The following VPS13A variants were observed in gnomAD, a reference collection of about 807,000 sequenced individuals.
VPS13A encodes the protein vacuolar protein sorting 13 homolog A, also known as intermembrane lipid transfer protein VPS13A.
Under a neutral mutation model 390.9 loss-of-function variants are expected in VPS13A, and 264 were observed. The ratio of observed to expected loss-of-function variants is 0.68; its 90% CI spans 0.61 to 0.75. The LOEUF (loss-of-function observed/expected upper bound fraction) is 0.75, where lower values mean the gene tolerates loss of function less well. Among genes scored for constraint, VPS13A ranks in the 30% least tolerant of loss-of-function variants. VPS13A has a pLI of 0.00. For missense variants in VPS13A, 3,409 were observed against 3,733.9 expected (o/e 0.91, Z 2.27); for synonymous variants, 1,231 against 1,227.1 (o/e 1.00, Z -0.07).
chr9:77,381,892 A>C, intron 67 of VPS13A, 84 bp from the exon 68 acceptor site: 1 of 852,608 alleles, frequency 1.2e-6, no homozygotes, highest in Non-Finnish European at 1.9e-6. Flanking sequence ...CTGAAATAAG[A>C]TTGTTTTTAG....
intron 34 of VPS13A, among the ~76,000 whole-genome samples, chr9:77,304,933 A>G (rs1340312072): frequency 1.3e-5 from 2 of 148,542 alleles, no homozygotes; most frequent in South Asian, 2.1e-4. Flanking sequence ...GAGATTTCAG[A>G]CTTTTTTTCT....
chr9:77,288,401 T>C (rs1196674929), intron 31 of VPS13A, among the ~76,000 whole-genome samples: 2 of 152,216 alleles, frequency 1.3e-5, no homozygotes, highest in Non-Finnish European at 1.5e-5. Flanking sequence ...TTGTAAGCAT[T>C]TGCTGCTATA....
intron 9 of VPS13A, among the ~76,000 whole-genome samples, chr9:77,213,975 G>C (rs1826113894): frequency 6.6e-6 from 1 of 151,926 alleles, no homozygotes; most frequent in Non-Finnish European, 1.5e-5. Flanking sequence ...TTAGGATAAA[G>C]ACATATTGGC....
intron 34 of VPS13A, among the ~76,000 whole-genome samples, chr9:77,305,208 G>A (rs1006686504): frequency 6.6e-6 from 1 of 152,088 alleles, no homozygotes; most frequent in Non-Finnish European, 1.5e-5. Context: ...AAAGTGCTGG[G>A]ATTACAGGCG....
At chr9:77,407,752 AT>A in intron 71 of VPS13A, 145 bp downstream of exon 71, 1 of 677,650 alleles carries the variant, frequency 1.5e-6, no homozygotes, top group Middle Eastern at 4.1e-4. Context: ...TTAAAAGTAT[AT>A]GTAACCAGAT....
rs1563966834 is a variant in VPS13A, at chr9:77,370,216, TA to T, written c.8668-40del. 2.5e-6 allele frequency: 4 copies of T among 1,605,040 alleles called. No individual in the cohort carries two copies. In the South Asian group the frequency reaches 4.4e-5, roughly 18 times the overall value. Reference sequence around the variant, plus strand: ...CCGTAAGCTCATCTTTAAAAGTGAATATAACTCACTCACTCATTTATTTACT... The same window carrying T: ...CCGTAAGCTCATCTTTAAAAGTGAATTAACTCACTCACTCATTTATTTACT... On this transcript the variant is annotated intron_variant, in intron 63 of 71. Transcript: ENST00000360280.
chr9:77,383,151 AC>A, intron 68 of VPS13A: 1 of 648,792 alleles, frequency 1.5e-6, no homozygotes, highest in Non-Finnish European at 1.9e-6. Flanking sequence ...TCAGTATTTT[AC>A]CTATTGCAGG....
intron 59 of VPS13A, among the ~76,000 whole-genome samples, chr9:77,362,501 A>G (rs1167618462): frequency 6.6e-6 from 1 of 152,240 alleles, no homozygotes; most frequent in Non-Finnish European, 1.5e-5. Context: ...TGCATTGCAC[A>G]CTGTCTTAGT....
At position 77,316,294 on chromosome 9, in the gene VPS13A, A is replaced by G. The variant is rs376755915; in HGVS notation, c.4751A>G (p.Glu1584Gly). Reference protein sequence around the residue: ...APALVITTQCEICYKGNLENS... With the variant: ...APALVITTQCGICYKGNLENS... ...GCTTTAGTCATTACAACACAATGTG[A>G]AATTTGCTATAAAGGTAACCTTGAA... is the stretch of plus-strand genomic sequence containing the variant. The change falls in exon 39 of 72, where the codon GAA becomes GGA. Residue 1584 changes from glutamate (E) to glycine (G), a missense_variant. Around this residue, in one of 5 missense-constraint regions of VPS13A, gnomAD observed 2,717 missense variants for 2,917.4 expected, o/e 0.93. Coordinates refer to ENST00000360280, the MANE Select transcript of VPS13A (RefSeq NM_033305.3). 1.7e-5 allele frequency: 28 copies of G among 1,613,424 alleles called. 1 individual carries two copies. The South Asian group carries it at 3.1e-4, about 18-fold the overall frequency.
chr9:77,376,664 G>C (rs1833095854), intron 67 of VPS13A, among the ~76,000 whole-genome samples: 1 of 152,092 alleles, frequency 6.6e-6, no homozygotes, highest in Non-Finnish European at 1.5e-5. Flanking sequence ...AATATATTAA[G>C]CTTAAAATAT....
Position 77,283,759 on chromosome 9 carries a change from T to C in VPS13A, c.3339+109T>C. On this transcript the variant is annotated intron_variant, in intron 31 of 71. Transcript: ENST00000360280. ...TGTCAGAATTTAGTAGTATGGCTTA[T>C]TATGTGCATGGGTTTTGGAGTCAGG... The C allele has an allele frequency of 6.7e-6, 6 of 900,920 alleles. No individual in the cohort carries two copies. The South Asian group carries it at 9.5e-5, about 14-fold the overall frequency. 55.8% of individuals were successfully genotyped at this position (900,920 alleles called of 1,614,324 possible).
intron 33 of VPS13A, among the ~76,000 whole-genome samples, chr9:77,300,883 A>C (rs978814073): frequency 6.6e-6 from 1 of 152,264 alleles, no homozygotes; most frequent in Admixed American, 6.5e-5. Context: ...TATATGGCAC[A>C]TGCCAATCAT....
intron 27 of VPS13A, among the ~76,000 whole-genome samples, chr9:77,280,726 G>A (rs1826967598): frequency 6.6e-6 from 1 of 151,956 alleles, no homozygotes; most frequent in African/African-American, 2.4e-5. Flanking sequence ...GCTGACTTCC[G>A]TGTTTCTGCG....
chr9:77,210,993 C>T (rs960196488), intron 7 of VPS13A, among the ~76,000 whole-genome samples: 2 of 152,170 alleles, frequency 1.3e-5, no homozygotes, highest in Admixed American at 6.5e-5. Context: ...TCTGAAACTT[C>T]GATAAGCCTT....
At position 77,293,468 on chromosome 9, in the gene VPS13A, T is replaced by A. The variant is rs749097849; in HGVS notation, c.3467T>A (p.Ile1156Asn). 1 of 1,597,876 alleles carries A rather than the reference T, an allele frequency of 6.3e-7. No individual in the cohort carries two copies. Among genetic ancestry groups the A allele is most frequent in the East Asian group, 2.3e-5 (1 of 44,388 alleles). Residue 1156 changes from isoleucine to asparagine, a missense_variant, in exon 32 of 72, where the codon ATT becomes AAT. Transcript: ENST00000360280. The part of the protein sequence containing the change: ...DIQVNLIVGC[I>N]EVVFVTKFLY... The stretch of plus-strand genomic sequence containing the variant: ...CAGGTTAATTTAATAGTTGGTTGCA[T>A]TGAAGTAGTTTTTGTCACGAAATTT...
At chr9:77,336,337 G>A (rs1272806648) in intron 46 of VPS13A, among the ~76,000 whole-genome samples, 1 of 150,982 alleles carries the variant, frequency 6.6e-6, no homozygotes, top group Non-Finnish European at 1.5e-5. Flanking sequence ...ATGTATCCCA[G>A]AACCTAAAGT....
intron 5 of VPS13A, among the ~76,000 whole-genome samples, chr9:77,207,664 G>A (rs1825759697): frequency 6.6e-6 from 1 of 152,106 alleles, no homozygotes; most frequent in Non-Finnish European, 1.5e-5. Context: ...AAACCCTTGT[G>A]TTCTCACTAG....
chr9:77,299,065 T>C (rs1044038797), intron 33 of VPS13A, among the ~76,000 whole-genome samples: 2 of 152,150 alleles, frequency 1.3e-5, no homozygotes, highest in Non-Finnish European at 1.5e-5. Context: ...GATCAGATGG[T>C]TGTAGATGCG....
chr9:77,403,277 C>G lies in VPS13A; in HGVS notation c.9231C>G (p.Thr3077=), dbSNP rs1384539437. 2.1e-5 allele frequency: 34 copies of G among 1,612,088 alleles called. No individual in the cohort carries two copies. Among genetic ancestry groups the G allele is most frequent in the Non-Finnish European group, 2.9e-5 (34 of 1,179,624 alleles). ...GATTTGCAAAATACAAATATTTTAC[C>G]CATGTCATGATCAATAAGACAGATA... is the stretch of plus-strand genomic sequence containing the variant. ...NGRFAKYKYF[T]HVMINKTDML... is the part of the protein sequence containing the mutation. The change falls in exon 69 of 72, where the codon ACC becomes ACG. Residue 3077 remains threonine, a synonymous_variant. Transcript: ENST00000360280.
Sources: gnomAD v4.1 joint callset for allele counts (sites outside exome capture counted in the v4.1 genomes callset) on GRCh38, gnomAD v4.1.1 for gene constraint, gnomAD v4.1.1 regional missense constraint, MANE v1.5 for transcripts, NCBI Gene and HGNC (gene_info 2026-07-23, HGNC 2026-07-21) for gene names.